Variants in ANGPTL1 observed in about 807,000 individuals in gnomAD.
ANGPTL1 encodes angiopoietin like 1.
ANGPTL1 carries 36 observed loss-of-function variants against 46.7 expected under a neutral mutation model. The observed-to-expected ratio is 0.77, with a 90% CI of 0.59 to 1.02. ANGPTL1 has a LOEUF of 1.02. Among genes scored for constraint, ANGPTL1 ranks in the 50% least tolerant of loss-of-function variants. The pLI, the probability that ANGPTL1 is intolerant of heterozygous loss-of-function variation, is 0.00. For missense variants in ANGPTL1, 571 were observed against 594.7 expected, an observed-to-expected ratio of 0.96 and a Z score of 0.41; for synonymous variants, 221 against 204.3, an observed-to-expected ratio of 1.08 and a Z score of -0.69.
chr1:178,858,220 A>G (rs1354966887), intron 3 of ANGPTL1, among the ~76,000 whole-genome samples: 2 of 152,088 alleles, frequency 1.3e-5, no homozygotes, highest in African/African-American at 4.8e-5. Context: ...GTCTTAGTCC[A>G]GTGTATATTG....
At chr1:178,859,444 G>A (rs1454986891) in intron 3 of ANGPTL1, among the ~76,000 whole-genome samples, 26 of 127,034 alleles carry the variant, frequency 2.0e-4, no homozygotes, top group Admixed American at 3.7e-4. Flanking sequence ...TCGCTCTGTC[G>A]CCAGGCTGGA....
Sources: gnomAD v4.1 joint callset for allele counts (sites outside exome capture counted in the v4.1 genomes callset) on GRCh38, gnomAD v4.1.1 for gene constraint, MANE v1.5 for transcripts, NCBI Gene and HGNC (gene_info 2026-07-23, HGNC 2026-07-21) for gene names.